PAX5: variants seen among roughly 807,000 people sequenced by gnomAD.
PAX5 encodes the protein paired box 5, also known as paired box protein Pax-5.
A neutral mutation model predicts 43.7 loss-of-function variants in PAX5; 9 were observed. The observed-to-expected ratio is 0.21, with a 90% CI of 0.12 to 0.36. The LOEUF (loss-of-function observed/expected upper bound fraction) is 0.36. PAX5 is among the 10% of genes least tolerant of loss of function. The pLI is 1.00. For missense variants in PAX5, 383 were observed against 532.7 expected (o/e 0.72, Z 2.77); for synonymous variants, 228 against 214.3 (o/e 1.06, Z -0.56).
chr9:37,027,860 G>A (rs555827189), intron 1 of PAX5, among the ~76,000 whole-genome samples: 3 of 152,360 alleles, frequency 2.0e-5, no homozygotes, highest in South Asian at 2.1e-4. Flanking sequence ...CCTGATTAGC[G>A]GACACCTGGG....
intron 6 of PAX5, among the ~76,000 whole-genome samples, chr9:36,947,757 C>A (rs7870367): frequency 0.16 from 24,940 of 151,684 alleles, 2,438 homozygotes; most frequent in African/African-American, 0.27. Context: ...ACCATCACCC[C>A]CACCCCCAGC....
At chr9:37,005,174 A>C (rs537568675) in intron 4 of PAX5, among the ~76,000 whole-genome samples, 2 of 152,210 alleles carry the variant, frequency 1.3e-5, no homozygotes, top group Non-Finnish European at 2.9e-5. Context: ...TCTTCACCCT[A>C]GCCCAGCAGA....
At chr9:37,022,746 C>A (rs181111160) in intron 1 of PAX5, among the ~76,000 whole-genome samples, 2 of 152,246 alleles carry the variant, frequency 1.3e-5, no homozygotes, top group African/African-American at 4.8e-5. Context: ...AGAGCCAGGT[C>A]TCTCAAGGTG....
intron 8 of PAX5, among the ~76,000 whole-genome samples, chr9:36,870,537 T>G (rs1280242895): frequency 6.6e-6 from 1 of 152,248 alleles, no homozygotes; most frequent in Non-Finnish European, 1.5e-5. Flanking sequence ...AATTTAATAG[T>G]TAATGAAGTT....
At chr9:36,884,107 G>C (rs551013623) in intron 7 of PAX5, among the ~76,000 whole-genome samples, 1 of 152,150 alleles carries the variant, frequency 6.6e-6, no homozygotes, top group African/African-American at 2.4e-5. Flanking sequence ...TTATTAAACT[G>C]TTCCCAGGAT....
intron 7 of PAX5, among the ~76,000 whole-genome samples, chr9:36,910,446 G>A (rs1587942910): frequency 6.6e-6 from 1 of 152,294 alleles, no homozygotes; most frequent in South Asian, 2.1e-4. Context: ...ATATAACAAG[G>A]TCTCCACGGA....
intron 2 of PAX5, among the ~76,000 whole-genome samples, chr9:37,019,964 C>G (rs986619909): frequency 5.3e-5 from 8 of 152,262 alleles, no homozygotes; most frequent in Non-Finnish European, 1.0e-4. Flanking sequence ...GCGGAGGCTA[C>G]TGAGAAAATA....
intron 1 of PAX5, among the ~76,000 whole-genome samples, chr9:37,031,852 T>C (rs1841017166): frequency 6.6e-6 from 1 of 152,092 alleles, no homozygotes; most frequent in Non-Finnish European, 1.5e-5. Context: ...GGGTAAGAAA[T>C]GGAATATGGT....
chr9:36,911,637 A>G (rs1280436241), intron 7 of PAX5, among the ~76,000 whole-genome samples: 1 of 152,192 alleles, frequency 6.6e-6, no homozygotes, highest in Non-Finnish European at 1.5e-5. Context: ...TTCATTATTC[A>G]TTATGATTTC....
chr9:36,878,437 G>GT (rs1245821466), intron 8 of PAX5, among the ~76,000 whole-genome samples: 2 of 152,196 alleles, frequency 1.3e-5, no homozygotes, highest in African/African-American at 4.8e-5. Context: ...TCCCCCAGAG[G>GT]GGGGGCCATC....
chr9:36,871,320 C>T (rs1273945691), intron 8 of PAX5, among the ~76,000 whole-genome samples: 6 of 152,152 alleles, frequency 3.9e-5, no homozygotes, highest in Non-Finnish European at 8.8e-5. Flanking sequence ...CTGACTTGGT[C>T]ATCAGGAATT....
intron 7 of PAX5, among the ~76,000 whole-genome samples, chr9:36,915,171 C>G (rs1309556840): frequency 6.6e-6 from 1 of 152,080 alleles, no homozygotes. Flanking sequence ...ACATAAATTC[C>G]TAAAAGTACG....
At chr9:36,952,227 C>T (rs1969993) in intron 6 of PAX5, among the ~76,000 whole-genome samples, 2 of 135,104 alleles carry the variant, frequency 1.5e-5, no homozygotes, top group Non-Finnish European at 3.0e-5. Flanking sequence ...ATGCTCTGAC[C>T]ATCTCCCTTT....
chr9:36,974,225 G>T lies in PAX5; in HGVS notation c.605-7501C>A, dbSNP rs558114350. The stretch of plus-strand genomic sequence containing the variant: ...TTTTAAAAGGGATAGGAAGCCAAGG[G>T]ATTTGTTCTGGGGCTATGTTAGCAA... On this transcript the variant is annotated intron_variant, in intron 5 of 9. Coordinates refer to ENST00000358127, the MANE Select transcript of PAX5 (RefSeq NM_016734.3). Among the ~76,000 whole-genome samples, 3 of 152,240 alleles carry T rather than the reference G, an allele frequency of 2.0e-5. No homozygotes were observed. In the East Asian group the frequency reaches 5.8e-4, roughly 29 times the overall value.
At chr9:36,915,520 C>T (rs1316041736) in intron 7 of PAX5, among the ~76,000 whole-genome samples, 3 of 151,762 alleles carry the variant, frequency 2.0e-5, no homozygotes, top group South Asian at 2.1e-4. Flanking sequence ...TTGAATGAAA[C>T]GTTAAGAAAA....
chr9:36,902,389 T>G (rs1279378937), intron 7 of PAX5, among the ~76,000 whole-genome samples: 1 of 151,930 alleles, frequency 6.6e-6, no homozygotes, highest in Non-Finnish European at 1.5e-5. Flanking sequence ...CTGGAGAGAG[T>G]GCAGGAGTTG....
At chr9:37,017,608 C>A (rs777521345) in intron 2 of PAX5, among the ~76,000 whole-genome samples, 1 of 152,226 alleles carries the variant, frequency 6.6e-6, no homozygotes, top group Non-Finnish European at 1.5e-5. Flanking sequence ...GTCCTGGATA[C>A]TCAAAATATG....
intron 7 of PAX5, among the ~76,000 whole-genome samples, chr9:36,901,478 G>C (rs1012179721): frequency 6.6e-6 from 1 of 152,058 alleles, no homozygotes; most frequent in African/African-American, 2.4e-5. Flanking sequence ...GAGCACTTTT[G>C]ATGAGCCAAG....
chr9:36,834,816 G>A lies in PAX5; in HGVS notation c.*5744C>T, dbSNP rs1171751768. ...GCATGGTGATTTTGGGGACAAGGGCGACCAGCGGCCATAGCCACAGGGTCA... is the reference window on the plus strand; with the variant it reads ...GCATGGTGATTTTGGGGACAAGGGCAACCAGCGGCCATAGCCACAGGGTCA... On this transcript the variant is annotated 3_prime_UTR_variant, in exon 10 of 10. Transcript: ENST00000358127. The A allele has an allele frequency of 6.1e-6, 1 of 163,158 alleles. No individual in the cohort carries two copies. The highest frequency in any genetic ancestry group is 1.4e-4 in the East Asian group (1 of 7,070). The allele number at this position is 163,158 out of a possible 1,614,324, so 10.1% of individuals were successfully genotyped here. A position where few individuals can be genotyped will look rare whatever the true frequency, so the allele number is the denominator to read the frequency against.
Sources: gnomAD v4.1 joint callset for allele counts (sites outside exome capture counted in the v4.1 genomes callset) on GRCh38, gnomAD v4.1.1 for gene constraint, MANE v1.5 for transcripts, NCBI Gene and HGNC (gene_info 2026-07-23, HGNC 2026-07-21) for gene names.